ROBO2: variants seen among roughly 807,000 people sequenced by gnomAD.
ROBO2 encodes roundabout guidance receptor 2.
Under a neutral mutation model 160.8 loss-of-function variants are expected in ROBO2, and 53 were observed. The ratio of observed to expected loss-of-function variants is 0.33; its 90% CI spans 0.26 to 0.41. The LOEUF (loss-of-function observed/expected upper bound fraction) is 0.41. ROBO2 is among the 10% of genes least tolerant of loss of function. The pLI, the probability that ROBO2 is intolerant of heterozygous loss-of-function variation, is 1.00. For synonymous variants in ROBO2, 664 were observed against 611.7 expected (o/e 1.09, Z -1.26); for missense variants, 1,577 against 1,722.4 (o/e 0.92, Z 1.49).
intron 2 of ROBO2, among the ~76,000 whole-genome samples, chr3:76,458,579 A>G (rs1577340401): frequency 2.0e-5 from 3 of 152,266 alleles, no homozygotes; most frequent in South Asian, 4.2e-4. Flanking sequence ...ATTTTTGGGT[A>G]TCTTTTCAGC....
intron 2 of ROBO2, among the ~76,000 whole-genome samples, chr3:76,955,888 CAAAAAAAA>C (rs35674535): frequency 8.1e-6 from 1 of 124,080 alleles, no homozygotes; most frequent in Admixed American, 8.3e-5. Flanking sequence ...GAGACTCCGT[CAAAAAAAA>C]AAAAAAAAGA....
At chr3:75,989,428 AG>A (rs2065504317) in intron 2 of ROBO2, among the ~76,000 whole-genome samples, 1 of 152,132 alleles carries the variant, frequency 6.6e-6, no homozygotes, top group East Asian at 1.9e-4. Flanking sequence ...ATATTCTTAA[AG>A]GGGCTCTATG....
intron 23 of ROBO2, 193 bp from the exon 25 acceptor site, chr3:77,634,677 T>C (rs1398380604): frequency 3.2e-6 from 2 of 616,354 alleles, no homozygotes; most frequent in Non-Finnish European, 5.7e-6. Context: ...GTTAGCTTAT[T>C]AAAAATTGAA....
chr3:77,205,461 C>T (rs1350527170), intron 2 of ROBO2, among the ~76,000 whole-genome samples: 1 of 151,922 alleles, frequency 6.6e-6, no homozygotes, highest in Non-Finnish European at 1.5e-5. Context: ...ATCTCCTTGC[C>T]TCCTTCTCTG....
intron 2 of ROBO2, among the ~76,000 whole-genome samples, chr3:75,939,453 A>C (rs965484423): frequency 2.3e-4 from 35 of 152,206 alleles, no homozygotes; most frequent in African/African-American, 8.2e-4. Flanking sequence ...TTATTAAAAA[A>C]CAGCCTGAAA....
chr3:76,994,357 A>T (rs183251783), intron 2 of ROBO2, among the ~76,000 whole-genome samples: 2 of 150,174 alleles, frequency 1.3e-5, no homozygotes, highest in East Asian at 4.0e-4. Context: ...GGGAAAGCAC[A>T]TGTTGAGTCC....
intron 2 of ROBO2, among the ~76,000 whole-genome samples, chr3:76,081,405 T>C (rs1197104986): frequency 6.6e-6 from 1 of 152,050 alleles, no homozygotes; most frequent in Non-Finnish European, 1.5e-5. Flanking sequence ...AACAAAAGAA[T>C]AGTGAAAAGA....
intron 2 of ROBO2, among the ~76,000 whole-genome samples, chr3:77,103,407 C>CTTTTT (rs11409908): frequency 2.7e-5 from 4 of 146,642 alleles, no homozygotes; most frequent in Non-Finnish European, 3.0e-5. Context: ...AGAAACCAAT[C>CTTTTT]TTTTTTTTTT....
At chr3:77,420,312 A>G (rs1042741139) in intron 2 of ROBO2, among the ~76,000 whole-genome samples, 1 of 151,942 alleles carries the variant, frequency 6.6e-6, no homozygotes, top group Non-Finnish European at 1.5e-5. Flanking sequence ...CTATTTGTAA[A>G]TTCTTTTCTA....
intron 2 of ROBO2, among the ~76,000 whole-genome samples, chr3:77,196,882 A>G (rs977685344): frequency 2.6e-5 from 4 of 151,974 alleles, no homozygotes; most frequent in Admixed American, 2.0e-4. Flanking sequence ...AATTTCACTT[A>G]TATATTGAGC....
intron 2 of ROBO2, among the ~76,000 whole-genome samples, chr3:77,453,737 C>G (rs919575812): frequency 1.3e-5 from 2 of 152,084 alleles, no homozygotes; most frequent in Admixed American, 6.6e-5. Context: ...TTCTTGAAGA[C>G]AGAAACTCTA....
At chr3:76,185,215 T>TATAGATATATATATATATAC in intron 2 of ROBO2, among the ~76,000 whole-genome samples, 1 of 90,312 alleles carries the variant, frequency 1.1e-5, no homozygotes, top group African/African-American at 3.8e-5. Context: ...TATATATATA[T>TATAGATATATATATATATAC]ACACACACAA....
chr3:77,234,495 C>T (rs948148218), intron 2 of ROBO2, among the ~76,000 whole-genome samples: 1 of 151,262 alleles, frequency 6.6e-6, no homozygotes, highest in African/African-American at 2.4e-5. Context: ...TTAGGTGAAT[C>T]GCACAGACAA....
chr3:77,098,783 G>C lies in ROBO2; in HGVS notation c.388+443G>C, dbSNP rs1417200362. On this transcript the variant is annotated intron_variant, in intron 2 of 25. Transcript: ENST00000461745. ...AGGCAGGAGAATGGTGTGAACCCGG[G>C]AGGCGGAGCTTGCAGTGAGCCGAGA... is the stretch of plus-strand genomic sequence containing the variant. Among the ~76,000 whole-genome samples, 3 of 152,086 alleles carry C rather than the reference G, an allele frequency of 2.0e-5. No homozygotes were observed. The East Asian group carries it at 5.9e-4, about 30-fold the overall frequency.
chr3:77,071,411 G>A (rs1338744025), intron 1 of ROBO2, among the ~76,000 whole-genome samples: 2 of 152,156 alleles, frequency 1.3e-5, no homozygotes, highest in African/African-American at 2.4e-5. Context: ...GTTGTATAAT[G>A]ACTACTTGTA....
intron 2 of ROBO2, among the ~76,000 whole-genome samples, chr3:76,019,967 G>A (rs2066525321): frequency 6.6e-6 from 1 of 151,800 alleles, no homozygotes; most frequent in South Asian, 2.1e-4. Context: ...TTTGTATTAT[G>A]GCCTCCCCAC....
chr3:76,047,439 C>G (rs965781602), intron 2 of ROBO2, among the ~76,000 whole-genome samples: 2 of 152,202 alleles, frequency 1.3e-5, no homozygotes, highest in South Asian at 4.1e-4. Context: ...CTGCACTCAA[C>G]ATGTGTGTGA....
intron 2 of ROBO2, among the ~76,000 whole-genome samples, chr3:77,141,461 C>T (rs562630910): frequency 6.6e-6 from 1 of 152,296 alleles, no homozygotes; most frequent in Non-Finnish European, 1.5e-5. Context: ...AGTTGTTCAC[C>T]TTCCATGATG....
At chr3:76,525,111 A>T (rs915658734) in intron 2 of ROBO2, among the ~76,000 whole-genome samples, 4 of 151,744 alleles carry the variant, frequency 2.6e-5, no homozygotes, top group African/African-American at 9.7e-5. Context: ...CCTTAAGGGC[A>T]GCAAAATTAT....
Sources: allele counts gnomAD v4.1 joint callset (sites outside exome capture counted in the v4.1 genomes callset), GRCh38; gene constraint gnomAD v4.1.1; transcripts MANE v1.5; gene names NCBI Gene and HGNC (gene_info 2026-07-23, HGNC 2026-07-21).